Variants in UGT1A6 observed in about 807,000 individuals in gnomAD.
The protein encoded by UGT1A6 is UDP-glucuronosyltransferase 1A6.
In UGT1A6, 32 loss-of-function variants were observed where a neutral mutation model predicts 44.4. The ratio of observed to expected loss-of-function variants is 0.72; its 90% CI spans 0.54 to 0.97. UGT1A6 has a LOEUF of 0.97. Among genes scored for constraint, UGT1A6 ranks in the 50% least tolerant of loss-of-function variants. The pLI is 0.00. For synonymous variants in UGT1A6, 238 were observed against 248.5 expected, an observed-to-expected ratio of 0.96 and a Z score of 0.40; for missense variants, 685 against 661.9, an observed-to-expected ratio of 1.03 and a Z score of -0.38.
chr2:233,718,954 G>A (rs766332804), intron 1 of UGT1A6: 15 of 1,614,094 alleles, frequency 9.3e-6, no homozygotes, highest in East Asian at 6.7e-5. Context: ...CTCAGCATGC[G>A]GGAGGCCTTG....
chr2:233,765,917 T>C (rs1002014731), intron 1 of UGT1A6, among the ~76,000 whole-genome samples: 3 of 151,992 alleles, frequency 2.0e-5, no homozygotes, highest in African/African-American at 7.3e-5. Context: ...TAGGGGAGCA[T>C]ACAGACGGGC....
Position 233,769,475 on chromosome 2 carries a change from G to C in UGT1A6, c.1301+1036G>C. 1.2e-6 allele frequency: 2 copies of C among 1,611,166 alleles called. No individual in the cohort carries two copies. Among genetic ancestry groups the C allele is most frequent in the Non-Finnish European group, 1.7e-6 (2 of 1,178,526 alleles). On this transcript the variant is annotated intron_variant, in intron 4 of 4. Coordinates refer to ENST00000305139, the MANE Select transcript of UGT1A6 (RefSeq NM_001072.4). The surrounding 1 kb of genome is among the most constrained non-coding windows in gnomAD (Gnocchi z 4.4). ...TGTGCATTCATATGCGTGTGTGTGT[G>C]TGTGCGTGTGTTTATGAGAGTGTCC...
chr2:233,728,607 C>T (rs868048236), intron 1 of UGT1A6, among the ~76,000 whole-genome samples: 2 of 152,210 alleles, frequency 1.3e-5, no homozygotes, highest in Admixed American at 6.5e-5. Flanking sequence ...CCAGCCTCCA[C>T]GCTGTTCAGA....
At chr2:233,725,829 C>A (rs1473271913) in intron 1 of UGT1A6, among the ~76,000 whole-genome samples, 1 of 152,074 alleles carries the variant, frequency 6.6e-6, no homozygotes, top group African/African-American at 2.4e-5. Flanking sequence ...ACCAGTATTG[C>A]TACTCCTATG....
intron 1 of UGT1A6, among the ~76,000 whole-genome samples, chr2:233,739,362 G>T (rs1691069001): frequency 1.3e-5 from 2 of 152,136 alleles, no homozygotes; most frequent in South Asian, 2.1e-4. Context: ...AGATCCAATA[G>T]CTTGCACTGT....
chr2:233,748,135 T>C (rs1220195478), intron 1 of UGT1A6: 2 of 1,609,160 alleles, frequency 1.2e-6, no homozygotes, highest in South Asian at 1.1e-5. Flanking sequence ...TTTTTAAAAA[T>C]TGTATTTACT....
At chr2:233,705,072 G>T (rs2075820474) in intron 1 of UGT1A6, among the ~76,000 whole-genome samples, 1 of 152,036 alleles carries the variant, frequency 6.6e-6, no homozygotes, top group South Asian at 2.1e-4. Flanking sequence ...GGAGGCGGAG[G>T]TTGCAGAGAG....
intron 1 of UGT1A6, among the ~76,000 whole-genome samples, chr2:233,751,322 C>G (rs1431699530): frequency 6.6e-6 from 1 of 151,916 alleles, no homozygotes; most frequent in Non-Finnish European, 1.5e-5. Context: ...TTCTGTACCC[C>G]CATTGTGTCT....
At chr2:233,738,718 T>G (rs912478722) in intron 1 of UGT1A6, among the ~76,000 whole-genome samples, 1 of 152,094 alleles carries the variant, frequency 6.6e-6, no homozygotes, top group Non-Finnish European at 1.5e-5. Flanking sequence ...AGCATAAAAG[T>G]TTGGAAAATT....
rs749598599 is a variant in UGT1A6, at chr2:233,693,414, ACTT to A, written c.414_416del (p.Phe139del). ...CTCCTGCAGGACAGGGACACCCTGA[ACTT>A]CTTTAAGGAGAGCAAGTTTGATGCT... is the stretch of plus-strand genomic sequence containing the variant. On this transcript the variant is annotated inframe_deletion, in exon 1 of 5. Coordinates refer to ENST00000305139, the MANE Select transcript of UGT1A6 (RefSeq NM_001072.4). 2 of 1,614,132 alleles carry A rather than the reference ACTT, an allele frequency of 1.2e-6. No individual in the cohort carries two copies. The highest frequency in any genetic ancestry group is 4.5e-5 in the East Asian group (2 of 44,876).
chr2:233,768,543 A>T, intron 4 of UGT1A6, 104 bp downstream of exon 4: 1 of 1,485,090 alleles, frequency 6.7e-7, no homozygotes, highest in Non-Finnish European at 8.9e-7. Context: ...TGTTTCAAAT[A>T]TAAAAACAAA....
intron 1 of UGT1A6, chr2:233,719,524 C>A: frequency 6.2e-7 from 1 of 1,613,952 alleles, no homozygotes; most frequent in South Asian, 1.1e-5. Flanking sequence ...GCAAGTCTTG[C>A]CTCTGAGCTT....
upstream of UGT1A6, chr2:233,691,972 G>T (rs1349071943): frequency 3.3e-5 from 5 of 152,224 alleles, no homozygotes; most frequent in East Asian, 9.6e-4. Context: ...GATCCCTTTC[G>T]ATCACACCTA....
chr2:233,692,979 C>T lies in UGT1A6; in HGVS notation c.-26C>T, dbSNP rs2075124196. On this transcript the variant is annotated 5_prime_UTR_variant, in exon 1 of 5. Coordinates refer to ENST00000305139, the MANE Select transcript of UGT1A6 (RefSeq NM_001072.4). ...TTTGGAGAGTGAAAACTCTTTATTA[C>T]CGTTGTTACTTTAACTCTTTCCAGG... The T allele has an allele frequency of 6.2e-7, 1 of 1,612,844 alleles. No individual in the cohort carries two copies. The highest frequency in any genetic ancestry group is 1.7e-5 in the Admixed American group (1 of 59,910).
rs536034017 is a variant in UGT1A6 at position 233,693,700 on chromosome 2, C to T, written c.696C>T (p.Leu232=). Residue 232 remains leucine (L), a synonymous_variant, in exon 1 of 5, where the codon CTC becomes CTT. Coordinates refer to ENST00000305139, the MANE Select transcript of UGT1A6 (RefSeq NM_001072.4). ...FYCLFSKYEE[L]ASAVLKRDVD... Reference sequence around the variant, plus strand: ...GTCTGTTTTCAAAGTATGAAGAACTCGCATCAGCTGTCCTCAAGAGAGATG... The same window carrying T: ...GTCTGTTTTCAAAGTATGAAGAACTTGCATCAGCTGTCCTCAAGAGAGATG... The T allele has an allele frequency of 2.4e-5, 39 of 1,614,174 alleles. No homozygotes were observed. Among genetic ancestry groups the T allele is most frequent in the Non-Finnish European group, 2.7e-5 (32 of 1,180,034 alleles).
rs115332590 is a variant in UGT1A6 at position 233,732,850 on chromosome 2, G to T, written c.862-34184G>T. Among the ~76,000 whole-genome samples the T allele has an allele frequency of 7.9e-3, 1,186 of 150,004 alleles. 18 individuals carry two copies. Among genetic ancestry groups the T allele is most frequent in the African/African-American group, 0.025 (998 of 40,660 alleles). On this transcript the variant is annotated intron_variant, in intron 1 of 4. Coordinates refer to ENST00000305139, the MANE Select transcript of UGT1A6 (RefSeq NM_001072.4). ...AAGTAGTTTTTTCCAATTTTGTGAA[G>T]TCATTGGTAGCTTGATGGGTTTGGC...
At chr2:233,719,141 G>C in intron 1 of UGT1A6, 1 of 1,614,274 alleles carries the variant, frequency 6.2e-7, no homozygotes, top group Non-Finnish European at 8.5e-7. Flanking sequence ...AACATCTTCT[G>C]AAGAGATATT....
intron 1 of UGT1A6, among the ~76,000 whole-genome samples, chr2:233,711,237 C>T (rs1027973680): frequency 3.3e-5 from 5 of 152,218 alleles, no homozygotes; most frequent in African/African-American, 7.2e-5. Flanking sequence ...GAAGGCACCA[C>T]CATCTTCCAA....
At chr2:233,709,744 TAAAC>T (rs1311718504) in intron 1 of UGT1A6, among the ~76,000 whole-genome samples, 1 of 152,218 alleles carries the variant, frequency 6.6e-6, no homozygotes, top group Non-Finnish European at 1.5e-5. Context: ...ACTACTAAAA[TAAAC>T]ATTATTGGAG....
Sources: allele counts gnomAD v4.1 joint callset (sites outside exome capture counted in the v4.1 genomes callset), GRCh38; gene constraint gnomAD v4.1.1; non-coding constraint Gnocchi (gnomAD v3.1); transcripts MANE v1.5; gene names NCBI Gene and HGNC (gene_info 2026-07-23, HGNC 2026-07-21).